Variants in ADAMTS6 observed in about 807,000 individuals in gnomAD.
ADAMTS6 encodes A disintegrin and metalloproteinase with thrombospondin motifs 6.
Under a neutral mutation model 144.3 loss-of-function variants are expected in ADAMTS6, and 23 were observed. The observed-to-expected ratio is 0.16, with a 90% confidence interval of 0.11 to 0.23. The LOEUF (loss-of-function observed/expected upper bound fraction) is 0.23, where lower values mean the gene tolerates loss of function less well. Among genes scored for constraint, ADAMTS6 ranks in the 10% least tolerant of loss-of-function variants. The pLI is 1.00. For missense variants in ADAMTS6, 999 were observed against 1,379.6 expected (o/e 0.72, Z 4.37); for synonymous variants, 444 against 457.5 (o/e 0.97, Z 0.38).
At chr5:65,433,477 C>T (rs1431634290) in intron 7 of ADAMTS6, among the ~76,000 whole-genome samples, 1 of 152,130 alleles carries the variant, frequency 6.6e-6, no homozygotes, top group Non-Finnish European at 1.5e-5. Context: ...TGAATAAATA[C>T]TTGAATAATT....
rs981067855 is a variant in ADAMTS6, at chr5:65,279,259, T to C, written c.1513-5812A>G. Among the ~76,000 whole-genome samples the C allele has an allele frequency of 3.3e-5, 5 of 151,976 alleles. No individual in the cohort carries two copies. The East Asian group carries it at 9.6e-4, about 29-fold the overall frequency. The stretch of plus-strand genomic sequence containing the variant: ...CGTACCCGACCTTTGTAGTCTTTCT[T>C]GTTGCTTCCAATTTTTTTCTCTATC... On this transcript the variant is annotated intron_variant, in intron 11 of 24. Transcript: ENST00000381055.
rs1580079330 is a variant in ADAMTS6, at chr5:65,214,977, C to T, written c.2437-45G>A. On this transcript the variant is annotated intron_variant, in intron 19 of 24. Coordinates refer to ENST00000381055, the MANE Select transcript of ADAMTS6 (RefSeq NM_197941.4). This position sits in a 1 kb window ranked among gnomAD's most constrained non-coding sequence, Gnocchi z 4.6. ...GTGAAGACAATTAAAATACAATGAGCCTTCATTCAGATATTTATTATTCCT... is the reference window on the plus strand; with the variant it reads ...GTGAAGACAATTAAAATACAATGAGTCTTCATTCAGATATTTATTATTCCT... 4 of 1,572,228 alleles carry T rather than the reference C, an allele frequency of 2.5e-6. No homozygotes were observed. Among genetic ancestry groups the T allele is most frequent in the Admixed American group, 1.9e-5 (1 of 52,604 alleles).
chr5:65,474,005 C>A, intron 1 of ADAMTS6, 53 bp from the exon 2 acceptor site: 1 of 448,270 alleles, frequency 2.2e-6, no homozygotes, highest in South Asian at 6.8e-5. Context: ...TGGAAAAATC[C>A]AAGTCCTATA....
At chr5:65,374,951 T>C (rs1398786131) in intron 7 of ADAMTS6, among the ~76,000 whole-genome samples, 1 of 151,984 alleles carries the variant, frequency 6.6e-6, no homozygotes, top group Non-Finnish European at 1.5e-5. Flanking sequence ...TCAGAAATAA[T>C]GCCACATATC....
intron 7 of ADAMTS6, among the ~76,000 whole-genome samples, chr5:65,424,427 T>C (rs557222111): frequency 2.6e-5 from 4 of 152,348 alleles, no homozygotes; most frequent in African/African-American, 7.2e-5. Flanking sequence ...AAAAACTGTT[T>C]TATTGTATTG....
chr5:65,319,268 A>G (rs1477838697), intron 9 of ADAMTS6, among the ~76,000 whole-genome samples: 1 of 152,164 alleles, frequency 6.6e-6, no homozygotes, highest in African/African-American at 2.4e-5. Flanking sequence ...ATGAAAGAAG[A>G]GATGTCCAAA....
chr5:65,210,358 G>T (rs544985659), intron 20 of ADAMTS6: 1 of 165,038 alleles, frequency 6.1e-6, no homozygotes, highest in South Asian at 1.5e-4. Context: ...GGCTGAGGCA[G>T]GAGAATGGCG....
chr5:65,455,228 T>C (rs780594322), intron 4 of ADAMTS6, among the ~76,000 whole-genome samples: 22 of 152,190 alleles, frequency 1.4e-4, no homozygotes, highest in Non-Finnish European at 2.6e-4. Flanking sequence ...AATAAACACA[T>C]AGCAATGGTA....
chr5:65,436,562 G>A (rs557443214), intron 7 of ADAMTS6, among the ~76,000 whole-genome samples: 12 of 152,280 alleles, frequency 7.9e-5, no homozygotes, highest in African/African-American at 1.7e-4. Context: ...TTGGCCGGGC[G>A]CAGTGGCTCA....
At chr5:65,188,805 C>CA (rs1272177945) in intron 21 of ADAMTS6, among the ~76,000 whole-genome samples, 2 of 152,304 alleles carry the variant, frequency 1.3e-5, no homozygotes, top group African/African-American at 4.8e-5. Flanking sequence ...TGTCATATAA[C>CA]AAACAAGAAA....
chr5:65,466,523 G>T (rs947787127), intron 3 of ADAMTS6, among the ~76,000 whole-genome samples: 1 of 152,050 alleles, frequency 6.6e-6, no homozygotes, highest in African/African-American at 2.4e-5. Flanking sequence ...TGATAACAGA[G>T]ATTTTTATTT....
chr5:65,273,460 G>A lies in ADAMTS6; in HGVS notation c.1513-13C>T, dbSNP rs762140603. Reference sequence around the variant, plus strand: ...CTCTACACACTTCCTAGGAAAGAAGGCAAAAGCAAGTTGATCAGAAATAGA... The same window carrying A: ...CTCTACACACTTCCTAGGAAAGAAGACAAAAGCAAGTTGATCAGAAATAGA... On this transcript the variant is annotated splice_polypyrimidine_tract_variant and intron_variant, in intron 11 of 24. Coordinates refer to ENST00000381055, the MANE Select transcript of ADAMTS6 (RefSeq NM_197941.4). 1.9e-6 allele frequency: 3 copies of A among 1,600,986 alleles called. No individual in the cohort carries two copies. The highest frequency in any genetic ancestry group is 1.1e-5 in the South Asian group (1 of 90,554).
At chr5:65,425,474 T>C (rs1389328063) in intron 7 of ADAMTS6, among the ~76,000 whole-genome samples, 2 of 152,232 alleles carry the variant, frequency 1.3e-5, no homozygotes, top group Non-Finnish European at 2.9e-5. Flanking sequence ...GAAATCATTC[T>C]CATCCTACAA....
chr5:65,421,809 C>T (rs766264746), intron 7 of ADAMTS6, among the ~76,000 whole-genome samples: 3 of 152,282 alleles, frequency 2.0e-5, no homozygotes, highest in South Asian at 2.1e-4. Flanking sequence ...AAAAAATCAA[C>T]TCAAGATGGA....
intron 7 of ADAMTS6, among the ~76,000 whole-genome samples, chr5:65,350,285 T>C (rs1434559420): frequency 6.6e-6 from 1 of 152,248 alleles, no homozygotes; most frequent in African/African-American, 2.4e-5. Context: ...TCAGTGAAGA[T>C]TGAGAACATC....
At chr5:65,166,902 T>C (rs1290754245) in intron 24 of ADAMTS6, among the ~76,000 whole-genome samples, 1 of 139,346 alleles carries the variant, frequency 7.2e-6, no homozygotes, top group Non-Finnish European at 1.6e-5. Flanking sequence ...GGGAAATTTA[T>C]AGCACTAAAT....
Position 65,473,705 on chromosome 5 carries a change from C to A in ADAMTS6, c.-32G>T. On this transcript the variant is annotated 5_prime_UTR_variant, in exon 2 of 25. An upstream open reading frame in the 5' UTR loses its in-frame stop. Transcript: ENST00000381055. ...GAAAACTGGATGATTTTTTTGAGGG[C>A]TACCTATGTGCTAAAGAGTCAATAC... 1.3e-6 allele frequency: 2 copies of A among 1,527,102 alleles called. No homozygotes were observed. Among genetic ancestry groups the A allele is most frequent in the Non-Finnish European group, 1.8e-6 (2 of 1,100,888 alleles). The allele number at this position is 1,527,102 out of a possible 1,614,324, so 94.6% of individuals were successfully genotyped here. A position where few individuals can be genotyped will look rare whatever the true frequency, so the allele number is the denominator to read the frequency against.
chr5:65,426,470 G>GA (rs1399210662), intron 7 of ADAMTS6, among the ~76,000 whole-genome samples: 2 of 150,896 alleles, frequency 1.3e-5, no homozygotes, highest in East Asian at 1.9e-4. Context: ...ACACTTGGGG[G>GA]AAAAAATGAA....
At chr5:65,186,935 A>G (rs1442166806) in intron 22 of ADAMTS6, among the ~76,000 whole-genome samples, 1 of 152,162 alleles carries the variant, frequency 6.6e-6, no homozygotes, top group Non-Finnish European at 1.5e-5. Flanking sequence ...CCAGCAAAAT[A>G]AGGCCACTCA....
Sources: allele counts gnomAD v4.1 joint callset (sites outside exome capture counted in the v4.1 genomes callset), GRCh38; gene constraint gnomAD v4.1.1; non-coding constraint Gnocchi (gnomAD v3.1); transcripts MANE v1.5; gene names NCBI Gene and HGNC (gene_info 2026-07-23, HGNC 2026-07-21).